The following BABAM2 variants were observed in gnomAD, a reference collection of about 807,000 sequenced individuals.
BABAM2 encodes BRISC and BRCA1-A complex member 2.
BABAM2 carries 31 observed loss-of-function variants against 54.7 expected under a neutral mutation model. The observed-to-expected ratio is 0.57, with a 90% CI of 0.43 to 0.77. The LOEUF (loss-of-function observed/expected upper bound fraction) is 0.77, where lower values mean the gene tolerates loss of function less well. BABAM2 is among the 30% of genes least tolerant of loss of function. The pLI, the probability that BABAM2 is intolerant of heterozygous loss-of-function variation, is 0.00. For missense variants in BABAM2, 364 were observed against 455.8 expected, an observed-to-expected ratio of 0.80 and a Z score of 1.83; for synonymous variants, 167 against 162.9, an observed-to-expected ratio of 1.03 and a Z score of -0.19.
chr2:28,338,244 C>T (rs1471814899), intron 11 of BABAM2, among the ~76,000 whole-genome samples: 1 of 152,178 alleles, frequency 6.6e-6, no homozygotes, highest in Non-Finnish European at 1.5e-5. Context: ...TTTGAATATT[C>T]CTGAGAGATG....
chr2:28,163,422 G>T (rs1165871982), intron 7 of BABAM2, among the ~76,000 whole-genome samples: 1 of 152,178 alleles, frequency 6.6e-6, no homozygotes, highest in Admixed American at 6.6e-5. Flanking sequence ...AGAGCTTTAT[G>T]CCTAAGGGGA....
At chr2:28,296,878 AG>A (rs1019041833) in intron 10 of BABAM2, among the ~76,000 whole-genome samples, 3 of 151,828 alleles carry the variant, frequency 2.0e-5, no homozygotes, top group Admixed American at 2.0e-4. Context: ...AGTAGAGATG[AG>A]GTTTCACCAT....
intron 5 of BABAM2, among the ~76,000 whole-genome samples, chr2:28,026,841 T>A (rs1454108496): frequency 6.9e-5 from 3 of 43,260 alleles, no homozygotes; most frequent in East Asian, 3.2e-4. Context: ...TAAATATATA[T>A]AAATATATAT....
intron 6 of BABAM2, among the ~76,000 whole-genome samples, chr2:28,115,398 G>T (rs919825471): frequency 8.6e-5 from 13 of 152,030 alleles, no homozygotes; most frequent in Non-Finnish European, 1.9e-4. Flanking sequence ...AGGCCAAGGC[G>T]GGCGGATCAC....
intron 5 of BABAM2, among the ~76,000 whole-genome samples, chr2:28,029,182 G>T (rs1558670059): frequency 1.3e-5 from 2 of 152,084 alleles, no homozygotes; most frequent in Admixed American, 6.5e-5. Context: ...TCAGTTCAAG[G>T]TTTTTTTCCT....
chr2:27,955,183 A>G (rs991599631), intron 3 of BABAM2, among the ~76,000 whole-genome samples: 2 of 152,228 alleles, frequency 1.3e-5, no homozygotes, highest in Non-Finnish European at 2.9e-5. Flanking sequence ...TGCCAGCCCA[A>G]GGGCTGATTT....
intron 11 of BABAM2, among the ~76,000 whole-genome samples, chr2:28,302,310 C>T (rs922437741): frequency 4.0e-5 from 6 of 151,714 alleles, no homozygotes; most frequent in Non-Finnish European, 5.9e-5. Flanking sequence ...CCAGCTACTC[C>T]GGAGGCTGAG....
intron 7 of BABAM2, among the ~76,000 whole-genome samples, chr2:28,149,613 G>A (rs965028167): frequency 6.6e-6 from 1 of 152,100 alleles, no homozygotes; most frequent in African/African-American, 2.4e-5. Context: ...GGTTTCCAGG[G>A]CCCGGTTTTC....
chr2:28,021,208 G>T (rs1410991491), intron 4 of BABAM2, among the ~76,000 whole-genome samples: 1 of 152,168 alleles, frequency 6.6e-6, no homozygotes, highest in Non-Finnish European at 1.5e-5. Flanking sequence ...AATTTGTGGA[G>T]CTGAAGCACT....
intron 6 of BABAM2, among the ~76,000 whole-genome samples, chr2:28,122,333 G>A (rs72814458): frequency 1.2e-3 from 185 of 152,276 alleles, no homozygotes; most frequent in Middle Eastern, 3.4e-3. Flanking sequence ...TTAGGTGGGT[G>A]TACTTCATGC....
intron 7 of BABAM2, among the ~76,000 whole-genome samples, chr2:28,171,859 C>CA (rs34025175): frequency 0.49 from 73,821 of 151,836 alleles, 18,603 homozygotes; most frequent in Middle Eastern, 0.62. Flanking sequence ...TTTTGTTCTT[C>CA]GATTTTAAAA....
intron 6 of BABAM2, among the ~76,000 whole-genome samples, chr2:28,093,168 C>T (rs759284159): frequency 2.0e-5 from 3 of 152,136 alleles, no homozygotes; most frequent in Non-Finnish European, 2.9e-5. Flanking sequence ...TCACAAAACT[C>T]TTTCACAAAG....
At chr2:28,060,746 A>G (rs1436899914) in intron 6 of BABAM2, among the ~76,000 whole-genome samples, 1 of 152,224 alleles carries the variant, frequency 6.6e-6, no homozygotes, top group Admixed American at 6.5e-5. Flanking sequence ...CATCAAAATT[A>G]TGGAATATTT....
At chr2:28,142,391 A>G (rs979034279) in intron 7 of BABAM2, among the ~76,000 whole-genome samples, 1 of 152,200 alleles carries the variant, frequency 6.6e-6, no homozygotes, top group Admixed American at 6.5e-5. Flanking sequence ...AATAGAGGTC[A>G]TTTTTGAAAA....
chr2:28,074,891 T>G (rs1369809885), intron 6 of BABAM2, among the ~76,000 whole-genome samples: 1 of 152,214 alleles, frequency 6.6e-6, no homozygotes, highest in Non-Finnish European at 1.5e-5. Context: ...ATTTGTACTT[T>G]TAGTGTACAT....
At chr2:28,116,086 G>C (rs1039393882) in intron 6 of BABAM2, among the ~76,000 whole-genome samples, 24 of 151,702 alleles carry the variant, frequency 1.6e-4, no homozygotes, top group Admixed American at 2.0e-4. Context: ...TTGCACTCCA[G>C]CCTGGGCAAC....
At chr2:28,235,367 G>C (rs1233488901) in intron 7 of BABAM2, among the ~76,000 whole-genome samples, 1 of 151,904 alleles carries the variant, frequency 6.6e-6, no homozygotes, top group Non-Finnish European at 1.5e-5. Context: ...AGTAGAGACA[G>C]GGTTTCACCA....
At chr2:28,029,625 A>G (rs993376560) in intron 5 of BABAM2, among the ~76,000 whole-genome samples, 2 of 152,036 alleles carry the variant, frequency 1.3e-5, no homozygotes, top group African/African-American at 4.8e-5. Flanking sequence ...GGTTGCTTCT[A>G]CCTCTTGGCT....
chr2:28,222,751 C>A (rs76532072), intron 7 of BABAM2, among the ~76,000 whole-genome samples: 3,374 of 152,306 alleles, frequency 0.022, 106 homozygotes, highest in African/African-American at 0.077. Context: ...CTACAGTTCC[C>A]AGAACCCCTT....
Sources: gnomAD v4.1 joint callset for allele counts (sites outside exome capture counted in the v4.1 genomes callset) on GRCh38, gnomAD v4.1.1 for gene constraint, MANE v1.5 for transcripts, NCBI Gene and HGNC (gene_info 2026-07-23, HGNC 2026-07-21) for gene names.